The following SDK1 variants were observed in gnomAD, a reference collection of about 807,000 sequenced individuals.
The protein encoded by SDK1 is protein sidekick-1.
Under a neutral mutation model 245.5 loss-of-function variants are expected in SDK1, and 157 were observed. That is an observed-to-expected ratio of 0.64 (90% CI 0.56 to 0.73). SDK1 has a LOEUF of 0.73. SDK1 is among the 30% of genes least tolerant of loss of function. The pLI, the probability that SDK1 is intolerant of heterozygous loss-of-function variation, is 0.00. For synonymous variants in SDK1, 1,647 were observed against 1,278.5 expected (o/e 1.29, Z -6.15); for missense variants, 3,583 against 3,002.3 (o/e 1.19, Z -4.52).
chr7:3,650,798 C>G (rs1317803075), intron 4 of SDK1, among the ~76,000 whole-genome samples: 13 of 151,054 alleles, frequency 8.6e-5, no homozygotes. Context: ...TAGACAGAAT[C>G]ATGCAGTATG....
At chr7:3,404,652 A>T (rs1176607289) in intron 1 of SDK1, among the ~76,000 whole-genome samples, 3 of 152,244 alleles carry the variant, frequency 2.0e-5, no homozygotes, top group East Asian at 3.8e-4. Flanking sequence ...GTTGATTCTT[A>T]TCAGTCTTTT....
intron 4 of SDK1, among the ~76,000 whole-genome samples, chr7:3,818,513 T>C (rs2115056596): frequency 6.6e-6 from 1 of 152,334 alleles, no homozygotes; most frequent in East Asian, 1.9e-4. Flanking sequence ...CTTTTATGTG[T>C]ACACACATAT....
At chr7:3,832,179 C>A (rs964379480) in intron 5 of SDK1, among the ~76,000 whole-genome samples, 1 of 152,206 alleles carries the variant, frequency 6.6e-6, no homozygotes, top group African/African-American at 2.4e-5. Context: ...AAGTTACTTT[C>A]ACTAATCTTA....
At chr7:3,569,573 G>C in intron 1 of SDK1, among the ~76,000 whole-genome samples, 1 of 152,284 alleles carries the variant, frequency 6.6e-6, no homozygotes, top group African/African-American at 2.4e-5. Flanking sequence ...CTGTGCCCAC[G>C]GTTCATCATT....
In SDK1 at chr7:3,476,316, A is replaced by G. The variant is rs147725344; in HGVS notation, c.299-142764A>G. On this transcript the variant is annotated intron_variant, in intron 1 of 44. Coordinates refer to ENST00000404826, the MANE Select transcript of SDK1 (RefSeq NM_152744.4). ...GCTGTTTGCTGTTTATACATAGACA[A>G]TATTTTTCAGTTGCCGTTACCGCTC... 2.0e-4 allele frequency among the ~76,000 whole-genome samples: 30 copies of G among 152,286 alleles called. No individual in the cohort carries two copies. The East Asian group carries it at 5.4e-3, about 27-fold the overall frequency.
intron 5 of SDK1, among the ~76,000 whole-genome samples, chr7:3,858,052 A>G (rs1341367484): frequency 6.6e-6 from 1 of 152,190 alleles, no homozygotes; most frequent in African/African-American, 2.4e-5. Context: ...ACTTGTCAAG[A>G]TGATTCTGAA....
intron 5 of SDK1, among the ~76,000 whole-genome samples, chr7:3,832,840 T>G (rs2115076239): frequency 6.6e-6 from 1 of 152,206 alleles, no homozygotes; most frequent in Admixed American, 6.5e-5. Context: ...AGCACAAAAT[T>G]AGTTCCTTCC....
rs543775283 is a variant in SDK1 at position 3,467,263 on chromosome 7, G to A, written c.299-151817G>A. On this transcript the variant is annotated intron_variant, in intron 1 of 44. Coordinates refer to ENST00000404826, the MANE Select transcript of SDK1 (RefSeq NM_152744.4). ...AAAAATTAAAAGCACAGTGAAATTTGCACATTGAGAAACATTTGGAGCCAA... is the reference window on the plus strand; with the variant it reads ...AAAAATTAAAAGCACAGTGAAATTTACACATTGAGAAACATTTGGAGCCAA... Among the ~76,000 whole-genome samples the A allele has an allele frequency of 3.6e-3, 545 of 151,994 alleles. 1 individual carries two copies. Among genetic ancestry groups the A allele is most frequent in the Non-Finnish European group, 6.3e-3 (425 of 67,960 alleles).
chr7:3,876,709 T>A (rs1051143193), intron 5 of SDK1, among the ~76,000 whole-genome samples: 1 of 152,218 alleles, frequency 6.6e-6, no homozygotes, highest in Non-Finnish European at 1.5e-5. Context: ...GAGGAATGGA[T>A]ACTTACTGTC....
chr7:4,159,434 C>T (rs1400456958), intron 31 of SDK1, among the ~76,000 whole-genome samples: 1 of 152,226 alleles, frequency 6.6e-6, no homozygotes, highest in Non-Finnish European at 1.5e-5. Context: ...GCACTCCCAG[C>T]AGAGCAGAAC....
intron 10 of SDK1, among the ~76,000 whole-genome samples, chr7:3,968,151 T>C (rs1782219180): frequency 6.6e-6 from 1 of 152,226 alleles, no homozygotes; most frequent in African/African-American, 2.4e-5. Context: ...GAATTAAGGA[T>C]CACGGCCTTT....
At chr7:4,033,763 C>G (rs1446414308) in intron 17 of SDK1, among the ~76,000 whole-genome samples, 1 of 152,050 alleles carries the variant, frequency 6.6e-6, no homozygotes, top group African/African-American at 2.4e-5. Flanking sequence ...ACACAGAGAA[C>G]AATGTGATAA....
At chr7:3,908,998 C>T (rs768826622) in intron 5 of SDK1, among the ~76,000 whole-genome samples, 1 of 152,046 alleles carries the variant, frequency 6.6e-6, no homozygotes, top group Non-Finnish European at 1.5e-5. Context: ...GATGGCTGCC[C>T]CCTGCTCAAG....
At position 3,391,502 on chromosome 7, in the gene SDK1, TA is replaced by T. The variant is rs548170699; in HGVS notation, c.298+89624del. Among the ~76,000 whole-genome samples, 26 of 152,192 alleles carry T rather than the reference TA, an allele frequency of 1.7e-4. No homozygotes were observed. The East Asian group carries it at 5.0e-3, about 29-fold the overall frequency. ...TTCCTTTACGTTTTCTGTTGTAGAATAAAAAATTTCTTTCCACAAAGGAATT... is the reference window on the plus strand; with the variant it reads ...TTCCTTTACGTTTTCTGTTGTAGAATAAAAATTTCTTTCCACAAAGGAATT... On this transcript the variant is annotated intron_variant, in intron 1 of 44. Coordinates refer to ENST00000404826, the MANE Select transcript of SDK1 (RefSeq NM_152744.4).
chr7:3,498,370 C>T (rs1782088737), intron 1 of SDK1, among the ~76,000 whole-genome samples: 1 of 152,110 alleles, frequency 6.6e-6, no homozygotes, highest in African/African-American at 2.4e-5. Context: ...TATTTACCAG[C>T]CTTCTAGACG....
intron 17 of SDK1, among the ~76,000 whole-genome samples, chr7:4,039,501 C>CAAATAAATCAAGTGG: frequency 6.6e-6 from 1 of 152,022 alleles, no homozygotes; most frequent in African/African-American, 2.4e-5. Context: ...AAGAATGTTT[C>CAAATAAATCAAGTGG]AAAATAAATC....
intron 1 of SDK1, among the ~76,000 whole-genome samples, chr7:3,424,112 A>C (rs1392492247): frequency 6.6e-6 from 1 of 152,080 alleles, no homozygotes; most frequent in East Asian, 1.9e-4. Flanking sequence ...GGGTTTCACC[A>C]TGTTTGCCAG....
intron 44 of SDK1, among the ~76,000 whole-genome samples, chr7:4,247,590 G>C (rs760553408): frequency 3.9e-5 from 6 of 152,228 alleles, no homozygotes; most frequent in Non-Finnish European, 8.8e-5. Flanking sequence ...CGCCGGCCTC[G>C]GGCCTGTCCC....
At chr7:3,586,072 T>C (rs1011489999) in intron 1 of SDK1, among the ~76,000 whole-genome samples, 5 of 152,026 alleles carry the variant, frequency 3.3e-5, no homozygotes, top group Non-Finnish European at 5.9e-5. Flanking sequence ...TTGCCTTTGA[T>C]GGTGGGGCTG....
Sources: gnomAD v4.1 joint callset for allele counts (sites outside exome capture counted in the v4.1 genomes callset) on GRCh38, gnomAD v4.1.1 for gene constraint, MANE v1.5 for transcripts, NCBI Gene and HGNC (gene_info 2026-07-23, HGNC 2026-07-21) for gene names.